The following CFHR3 variants were observed in gnomAD, a reference collection of about 807,000 sequenced individuals.
CFHR3 encodes the protein complement factor H related 3.
In CFHR3, 22 loss-of-function variants were observed where a neutral mutation model predicts 36.0. That is an observed-to-expected ratio of 0.61 (90% CI 0.44 to 0.87). CFHR3 has a LOEUF of 0.87. CFHR3 is among the 40% of genes least tolerant of loss of function. The probability of loss-of-function intolerance (pLI) is 0.00; values close to 1 mark genes in which losing one functional copy is unlikely to be tolerated. For synonymous variants in CFHR3, 97 were observed against 137.4 expected, an observed-to-expected ratio of 0.71 and a Z score of 2.06; for missense variants, 276 against 401.3, an observed-to-expected ratio of 0.69 and a Z score of 2.67.
intron 4 of CFHR3, chr1:196,788,647 A>C: frequency 7.0e-7 from 1 of 1,419,740 alleles, no homozygotes; most frequent in Non-Finnish European, 9.4e-7. Flanking sequence ...TATCATGTAC[A>C]GACTAGTTAG....
At chr1:196,775,936 G>A (rs1653700369) in intron 1 of CFHR3, among the ~76,000 whole-genome samples, 1 of 134,218 alleles carries the variant, frequency 7.5e-6, no homozygotes, top group African/African-American at 3.1e-5. Flanking sequence ...AGAGCTTTAA[G>A]TTTTATAGTA....
At chr1:196,780,109 A>T in intron 3 of CFHR3, 136 bp downstream of exon 3, 1 of 1,189,482 alleles carries the variant, frequency 8.4e-7, no homozygotes, top group Non-Finnish European at 1.2e-6. Context: ...ATTTAGTTTT[A>T]CTTTTTTAAT....
Position 196,793,517 on chromosome 1 carries a change from A to G in CFHR3, c.*4A>G. On this transcript the variant is annotated 3_prime_UTR_variant, in exon 6 of 6. Transcript: ENST00000367425. ...GGAATACCCCAGATGCGAATAAGGC[A>G]GCATTGTTACCCTAAATGTATGTCC... The G allele has an allele frequency of 1.3e-6, 2 of 1,521,028 alleles. 1 individual carries two copies. The highest frequency in any genetic ancestry group is 2.5e-5 in the South Asian group (2 of 80,344). The allele number at this position is 1,521,028 out of a possible 1,614,324, so 94.2% of individuals were successfully genotyped here.
In CFHR3 at chr1:196,781,509, T is replaced by C. The variant is rs1279169976; in HGVS notation, c.430+1536T>C. ...GATTGCCATTCTAACTGGTGTGAGA[T>C]GGTATCTCATTGTGGTTTTGATTTG... On this transcript the variant is annotated intron_variant, in intron 3 of 5. Coordinates refer to ENST00000367425, the MANE Select transcript of CFHR3 (RefSeq NM_021023.6). Among the ~76,000 whole-genome samples the C allele has an allele frequency of 2.2e-5, 3 of 134,918 alleles. 1 individual carries two copies. The highest frequency in any genetic ancestry group is 9.4e-5 in the African/African-American group (3 of 31,828). The allele number at this position is 134,918 out of a possible 152,430, so 88.5% of individuals were successfully genotyped here.
chr1:196,780,195 C>T (rs1325892371), intron 3 of CFHR3, among the ~76,000 whole-genome samples: 2 of 137,146 alleles, frequency 1.5e-5, no homozygotes, highest in East Asian at 2.0e-4. Flanking sequence ...GTCAAGAATA[C>T]AGTAAAAGAA....
intron 5 of CFHR3, among the ~76,000 whole-genome samples, chr1:196,790,550 C>T (rs183735245): frequency 7.4e-6 from 1 of 134,688 alleles, no homozygotes; most frequent in Non-Finnish European, 1.6e-5. Flanking sequence ...CATGGTGAAC[C>T]CCGTATCTAC....
Position 196,781,390 on chromosome 1 carries a change from A to G in CFHR3, c.430+1417A>G, listed in dbSNP as rs1653942295. On this transcript the variant is annotated intron_variant, in intron 3 of 5. Coordinates refer to ENST00000367425, the MANE Select transcript of CFHR3 (RefSeq NM_021023.6). Reference sequence around the variant, plus strand: ...AGGAATCACCACACTGTCTTCCACAATGGTTGAACTAGTTTACAGTCCCAC... The same window carrying G: ...AGGAATCACCACACTGTCTTCCACAGTGGTTGAACTAGTTTACAGTCCCAC... Among the ~76,000 whole-genome samples the G allele has an allele frequency of 1.5e-5, 2 of 135,412 alleles. 1 individual carries two copies. The highest frequency in any genetic ancestry group is 6.3e-5 in the African/African-American group (2 of 31,902). 88.8% of individuals were successfully genotyped at this position (135,412 alleles called of 152,430 possible).
chr1:196,794,141 GTATA>G lies in CFHR3; in HGVS notation c.*632_*635del, dbSNP rs1654516250. 2.1e-5 allele frequency: 3 copies of G among 145,792 alleles called. No homozygotes were observed. The South Asian group carries it at 6.3e-4, about 31-fold the overall frequency. 9.0% of individuals were successfully genotyped at this position (145,792 alleles called of 1,614,324 possible). A position where few individuals can be genotyped will look rare whatever the true frequency, so the allele number is the denominator to read the frequency against. ...GAACACAGCCAGAAGTGCATTAAAT[GTATA>G]TATTAACTTGGGCAATGTTGACACT... On this transcript the variant is annotated 3_prime_UTR_variant, in exon 6 of 6. Transcript: ENST00000367425.
At position 196,779,206 on chromosome 1, in the gene CFHR3, C is replaced by A. The variant is rs142797725; in HGVS notation, c.103C>A (p.His35Asn). 9.4e-5 allele frequency: 144 copies of A among 1,529,896 alleles called. 37 individuals are homozygous for A. The African/African-American group carries it at 2.2e-3, about 24-fold the overall frequency. 94.8% of individuals were successfully genotyped at this position (1,529,896 alleles called of 1,614,324 possible). A position where few individuals can be genotyped will look rare whatever the true frequency, so the allele number is the denominator to read the frequency against. ...AGACATTAAACATGGAGGTCTATTT[C>A]ATGAGAATATGCGTAGACCATACTT... ...FPDIKHGGLF[H>N]ENMRRPYFPV... Residue 35 changes from histidine (H) to asparagine (N), a missense_variant, in exon 2 of 6, where the codon CAT becomes AAT. This residue lies in a region of CFHR3 where 178 missense variants were observed against 247.2 expected (regional missense o/e 0.72). Transcript: ENST00000367425.
In CFHR3 at chr1:196,779,922, G is replaced by A; in HGVS notation, c.379G>A (p.Val127Ile). ...GYGLPKAQTT[V>I]TCTEKGWSPT... ...CGGTCTTCCAAAAGCGCAGACCACA[G>A]TTACATGTACGGAGAAAGGCTGGTC... Residue 127 changes from valine to isoleucine, a missense_variant, in exon 3 of 6, where the codon GTT becomes ATT. Val to Ile is a conservative substitution (Grantham distance 29). This residue lies in a region of CFHR3 where 178 missense variants were observed against 247.2 expected (regional missense o/e 0.72). Transcript: ENST00000367425. 2.0e-6 allele frequency: 3 copies of A among 1,533,464 alleles called. 1 individual carries two copies. Among genetic ancestry groups the A allele is most frequent in the Non-Finnish European group, 2.6e-6 (3 of 1,133,486 alleles). The allele number at this position is 1,533,464 out of a possible 1,614,324, so 95.0% of individuals were successfully genotyped here.
chr1:196,786,639 T>C (rs934426256), intron 3 of CFHR3, among the ~76,000 whole-genome samples: 5 of 136,262 alleles, frequency 3.7e-5, no homozygotes, highest in Non-Finnish European at 4.7e-5. Context: ...TGGTGTGCCG[T>C]TTTTTAAGCC....
At position 196,780,453 on chromosome 1, in the gene CFHR3, T is replaced by C. The variant is rs1653901356; in HGVS notation, c.430+480T>C. Among the ~76,000 whole-genome samples the C allele has an allele frequency of 1.5e-5, 2 of 137,636 alleles. 1 individual carries two copies. Among genetic ancestry groups the C allele is most frequent in the African/African-American group, 6.0e-5 (2 of 33,100 alleles). The allele number at this position is 137,636 out of a possible 152,430, so 90.3% of individuals were successfully genotyped here. On this transcript the variant is annotated intron_variant, in intron 3 of 5. Coordinates refer to ENST00000367425, the MANE Select transcript of CFHR3 (RefSeq NM_021023.6). ...GATGTCACATTTTAATATTTACAAG[T>C]TGAGTGGCTATAAAATGGTATAGCA...
At position 196,789,466 on chromosome 1, in the gene CFHR3, T is replaced by C; in HGVS notation, c.614-579T>C. 2.1e-6 allele frequency: 2 copies of C among 964,576 alleles called. 1 individual carries two copies. Among genetic ancestry groups the C allele is most frequent in the South Asian group, 9.4e-5 (2 of 21,326 alleles). The allele number at this position is 964,576 out of a possible 1,614,324, so 59.8% of individuals were successfully genotyped here. A position where few individuals can be genotyped will look rare whatever the true frequency, so the allele number is the denominator to read the frequency against. On this transcript the variant is annotated intron_variant, in intron 4 of 5. Coordinates refer to ENST00000367425, the MANE Select transcript of CFHR3 (RefSeq NM_021023.6). ...TTCAATTTTACTCAGCTTTGATAAATGATCTACTTTAAAACTTGTGAAATA... is the reference window on the plus strand; with the variant it reads ...TTCAATTTTACTCAGCTTTGATAAACGATCTACTTTAAAACTTGTGAAATA...
chr1:196,786,115 C>T lies in CFHR3; in HGVS notation c.431-2101C>T, dbSNP rs563412811. ...ATCTGCAGCAGTGGCTGCAGAACAG[C>T]GGATTTTCATGAACCGCGAATGCTG... On this transcript the variant is annotated intron_variant, in intron 3 of 5. Transcript: ENST00000367425. Among the ~76,000 whole-genome samples the T allele has an allele frequency of 1.7e-3, 235 of 136,694 alleles. 38 individuals are homozygous for T. Among genetic ancestry groups the T allele is most frequent in the Non-Finnish European group, 2.9e-3 (186 of 64,442 alleles). 89.7% of individuals were successfully genotyped at this position (136,694 alleles called of 152,430 possible).
At chr1:196,778,955 T>G (rs1050569774) in intron 1 of CFHR3, among the ~76,000 whole-genome samples, 1 of 136,706 alleles carries the variant, frequency 7.3e-6, no homozygotes, top group Admixed American at 7.1e-5. Context: ...ATTTTAAGTG[T>G]AGAAATAAAA....
intron 1 of CFHR3, among the ~76,000 whole-genome samples, chr1:196,775,410 A>G (rs1166563423): frequency 2.2e-5 from 3 of 137,138 alleles, no homozygotes; most frequent in African/African-American, 9.0e-5. Flanking sequence ...AGTTTCTTAT[A>G]TTTCTATTAT....
rs1036877684 is a variant in CFHR3, at chr1:196,783,050, A to C, written c.430+3077A>C. On this transcript the variant is annotated intron_variant, in intron 3 of 5. Transcript: ENST00000367425. ...TTTGTCAAAGGCCTTTTCTGCATCT[A>C]TTGAGATAATCATGTGGTTTTTGTC... 2.2e-5 allele frequency among the ~76,000 whole-genome samples: 3 copies of C among 136,850 alleles called. 1 individual carries two copies. Among genetic ancestry groups the C allele is most frequent in the African/African-American group, 9.2e-5 (3 of 32,694 alleles). The allele number at this position is 136,850 out of a possible 152,430, so 89.8% of individuals were successfully genotyped here. A position where few individuals can be genotyped will look rare whatever the true frequency, so the allele number is the denominator to read the frequency against.
rs561442770 is a variant in CFHR3 at position 196,782,883 on chromosome 1, A to G, written c.430+2910A>G. 3.3e-4 allele frequency among the ~76,000 whole-genome samples: 45 copies of G among 136,564 alleles called. 7 individuals are homozygous for G. The highest frequency in any genetic ancestry group is 1.9e-3 in the Admixed American group (27 of 14,152). The allele number at this position is 136,564 out of a possible 152,430, so 89.6% of individuals were successfully genotyped here. ...GAGAGGGCATCCCTGTCTTGTGCTG[A>G]TTTTCAAAGGAATGCTTCCAGTTTT... On this transcript the variant is annotated intron_variant, in intron 3 of 5. Coordinates refer to ENST00000367425, the MANE Select transcript of CFHR3 (RefSeq NM_021023.6).
In CFHR3 at chr1:196,789,881, G is replaced by C. The variant is rs530466275; in HGVS notation, c.614-164G>C. On this transcript the variant is annotated intron_variant, in intron 4 of 5. Transcript: ENST00000367425. ...ACATATATATGTAGTCCTCCTATGAGTGTGAATTATCTTGAGACTTAAAAA... is the reference window on the plus strand; with the variant it reads ...ACATATATATGTAGTCCTCCTATGACTGTGAATTATCTTGAGACTTAAAAA... The C allele has an allele frequency of 1.0e-5, 12 of 1,178,116 alleles. No homozygotes were observed. The Admixed American group carries it at 3.1e-4, about 31-fold the overall frequency. 73.0% of individuals were successfully genotyped at this position (1,178,116 alleles called of 1,614,324 possible).
Sources: gnomAD v4.1 joint callset for allele counts (sites outside exome capture counted in the v4.1 genomes callset) on GRCh38, gnomAD v4.1.1 for gene constraint, gnomAD v4.1.1 regional missense constraint, MANE v1.5 for transcripts, NCBI Gene and HGNC (gene_info 2026-07-23, HGNC 2026-07-21) for gene names.